Variants in ZC3H12B observed in about 807,000 individuals in gnomAD.
ZC3H12B encodes the protein zinc finger CCCH-type containing 12B, also known as probable ribonuclease ZC3H12B.
Under a neutral mutation model 43.9 loss-of-function variants are expected in ZC3H12B, and 7 were observed. The observed-to-expected ratio is 0.16, with a 90% CI of 0.09 to 0.30. The LOEUF (loss-of-function observed/expected upper bound fraction) is 0.30. Ranked by LOEUF, ZC3H12B falls within the 10% of genes least tolerant of loss-of-function variation. The probability of loss-of-function intolerance (pLI) is 1.00; values close to 1 mark genes in which losing one functional copy is unlikely to be tolerated. For missense variants in ZC3H12B, 475 were observed against 670.2 expected (o/e 0.71, Z 3.22); for synonymous variants, 222 against 241.7 (o/e 0.92, Z 0.76).
the ZC3H12B span, among the ~76,000 whole-genome samples, chrX:65,055,273 T>A: frequency 9.0e-6 from 1 of 111,662 alleles, no homozygotes; most frequent in Non-Finnish European, 1.9e-5. Flanking sequence ...AATACCAAAT[T>A]TATTGAGAGT....
the ZC3H12B span, among the ~76,000 whole-genome samples, chrX:65,187,711 C>T: frequency 9.3e-6 from 1 of 107,079 alleles, no homozygotes; most frequent in Non-Finnish European, 1.9e-5. Context: ...ATATGGAGCA[C>T]ATGAGATGTT....
At chrX:65,040,992 A>G in the ZC3H12B span, among the ~76,000 whole-genome samples, 7 of 111,832 alleles carry the variant, frequency 6.3e-5, no homozygotes, top group Non-Finnish European at 1.1e-4. Flanking sequence ...TGCCTAGGCC[A>G]GTTTTGAACT....
chrX:65,133,204 G>T, the ZC3H12B span, among the ~76,000 whole-genome samples: 2 of 111,393 alleles, frequency 1.8e-5, no homozygotes, highest in Non-Finnish European at 3.8e-5. Flanking sequence ...TCACAGTGGA[G>T]GCAAGGAATT....
the ZC3H12B span, among the ~76,000 whole-genome samples, chrX:65,166,161 C>T: frequency 1.8e-5 from 2 of 111,061 alleles, no homozygotes; most frequent in South Asian, 7.7e-4. Context: ...TCATCATTTA[C>T]ATTAGGTATA....
At chrX:65,300,456 A>G in the ZC3H12B span, among the ~76,000 whole-genome samples, 1 of 111,037 alleles carries the variant, frequency 9.0e-6, no homozygotes, top group African/African-American at 3.3e-5. Flanking sequence ...TGGGAATGCA[A>G]TTTCATCAGC....
the ZC3H12B span, among the ~76,000 whole-genome samples, chrX:65,264,865 T>C: frequency 9.0e-6 from 1 of 111,492 alleles, no homozygotes; most frequent in Non-Finnish European, 1.9e-5. Flanking sequence ...TTTCTTCTCA[T>C]TCATATTAGT....
chrX:65,425,220 T>C (rs999907548), intron 3 of ZC3H12B, among the ~76,000 whole-genome samples: 6 of 111,422 alleles, frequency 5.4e-5, no homozygotes, highest in Non-Finnish European at 9.4e-5. Context: ...TTTATTCATT[T>C]TGTGGCATTT....
the ZC3H12B span, among the ~76,000 whole-genome samples, chrX:65,125,950 A>G: frequency 9.1e-6 from 1 of 110,378 alleles, no homozygotes; most frequent in Admixed American, 9.6e-5. Context: ...TAAATGGAAC[A>G]TTTAGGCCGT....
At chrX:65,197,129 G>A in the ZC3H12B span, among the ~76,000 whole-genome samples, 2 of 112,248 alleles carry the variant, frequency 1.8e-5, no homozygotes, top group Non-Finnish European at 3.8e-5. Flanking sequence ...ACTGGGGAAA[G>A]GCAAAAGGCG....
At chrX:65,469,979 CAAAAACAA>C (rs2067886151) in intron 3 of ZC3H12B, 1 of 111,678 alleles carries the variant, frequency 9.0e-6, no homozygotes, top group African/African-American at 3.3e-5. Flanking sequence ...AAAACAACAA[CAAAAACAA>C]AAAAACAAAA....
At chrX:65,117,405 T>C in the ZC3H12B span, among the ~76,000 whole-genome samples, 2 of 111,779 alleles carry the variant, frequency 1.8e-5, no homozygotes, top group East Asian at 5.7e-4. Flanking sequence ...TTTGATGGGG[T>C]TGTTTGATTT....
chrX:65,435,317 T>C (rs1308908808), intron 3 of ZC3H12B, among the ~76,000 whole-genome samples: 1 of 111,996 alleles, frequency 8.9e-6, no homozygotes, highest in Non-Finnish European at 1.9e-5. Flanking sequence ...ACAACCATCA[T>C]TATATCTCTT....
chrX:65,299,447 T>A, the ZC3H12B span, among the ~76,000 whole-genome samples: 3 of 111,947 alleles, frequency 2.7e-5, no homozygotes, highest in Non-Finnish European at 5.6e-5. Flanking sequence ...CAAGTGGTAT[T>A]TATTCCAGGC....
Position 65,404,648 on chromosome X carries a change from G to T in ZC3H12B, n.407+5944G>T, listed in dbSNP as rs189583393. Among the ~76,000 whole-genome samples the T allele has an allele frequency of 2.5e-3, 273 of 111,240 alleles. 1 individual carries two copies. Among genetic ancestry groups the T allele is most frequent in the African/African-American group, 8.7e-3 (267 of 30,643 alleles). Reference sequence around the variant, plus strand: ...TGATAAAGGGGTAAATTCAGTAAGAGGATATATCAATTTTAAATATATATG... The same window carrying T: ...TGATAAAGGGGTAAATTCAGTAAGATGATATATCAATTTTAAATATATATG... On this transcript the variant is annotated intron_variant and non_coding_transcript_variant, in intron 3 of 5. Transcript: ENST00000617377.
At chrX:65,435,462 T>C (rs932477995) in intron 3 of ZC3H12B, among the ~76,000 whole-genome samples, 2 of 111,851 alleles carry the variant, frequency 1.8e-5, no homozygotes, top group Non-Finnish European at 3.8e-5. Context: ...GGACAATCAG[T>C]GCTTTCTGTA....
At chrX:65,068,619 C>A in the ZC3H12B span, among the ~76,000 whole-genome samples, 1 of 111,530 alleles carries the variant, frequency 9.0e-6, no homozygotes, top group African/African-American at 3.3e-5. Context: ...ATTTGTTCAT[C>A]GTTCATTCTT....
chrX:65,365,344 T>C (rs1402346256), upstream of ZC3H12B, among the ~76,000 whole-genome samples: 1 of 111,206 alleles, frequency 9.0e-6, no homozygotes, highest in African/African-American at 3.3e-5. Context: ...TTAATACCTG[T>C]TTTTCTCCTT....
chrX:65,153,219 C>G, the ZC3H12B span, among the ~76,000 whole-genome samples: 1 of 111,673 alleles, frequency 9.0e-6, no homozygotes, highest in Non-Finnish European at 1.9e-5. Flanking sequence ...CAACAAAAGC[C>G]AAAATTGACA....
chrX:65,086,069 C>T, the ZC3H12B span, among the ~76,000 whole-genome samples: 10 of 101,995 alleles, frequency 9.8e-5, no homozygotes, highest in African/African-American at 3.7e-4. Context: ...TTTTGGAACA[C>T]GGATCACTTC....
Sources: allele counts gnomAD v4.1 joint callset (sites outside exome capture counted in the v4.1 genomes callset), GRCh38; gene constraint gnomAD v4.1.1; transcripts MANE v1.5; gene names NCBI Gene and HGNC (gene_info 2026-07-23, HGNC 2026-07-21).